Variants in ADAMTSL1 observed in about 807,000 individuals in gnomAD.
ADAMTSL1 encodes ADAMTS like 1, also known as ADAMTS-like protein 1.
In ADAMTSL1, 126 loss-of-function variants were observed where a neutral mutation model predicts 201.8. The ratio of observed to expected loss-of-function variants is 0.62; its 90% confidence interval spans 0.54 to 0.72. The LOEUF (loss-of-function observed/expected upper bound fraction) is 0.72. Ranked by LOEUF, ADAMTSL1 falls within the 30% of genes least tolerant of loss-of-function variation. The probability of loss-of-function intolerance (pLI) is 0.00; values close to 1 mark genes in which losing one functional copy is unlikely to be tolerated. For synonymous variants in ADAMTSL1, 1,121 were observed against 903.4 expected (o/e 1.24, Z -4.32); for missense variants, 2,679 against 2,277.8 (o/e 1.18, Z -3.59).
At chr9:18,819,733 A>G (rs1824092237) in intron 21 of ADAMTSL1, among the ~76,000 whole-genome samples, 1 of 152,210 alleles carries the variant, frequency 6.6e-6, no homozygotes, top group Non-Finnish European at 1.5e-5. Flanking sequence ...CCATAAAACC[A>G]TCTGTATTAA....
chr9:18,155,348 C>G (rs1034314819), intron 1 of ADAMTSL1, among the ~76,000 whole-genome samples: 3 of 151,906 alleles, frequency 2.0e-5, no homozygotes, highest in African/African-American at 7.2e-5. Flanking sequence ...AAGAGGAATG[C>G]TAGAATGGTA....
intron 2 of ADAMTSL1, among the ~76,000 whole-genome samples, chr9:18,370,570 T>C (rs1586994186): frequency 6.6e-6 from 1 of 152,236 alleles, no homozygotes; most frequent in Admixed American, 6.5e-5. Context: ...ATTGATAGCG[T>C]TGGTAACAGA....
intron 23 of ADAMTSL1, among the ~76,000 whole-genome samples, chr9:18,838,574 C>G (rs1825487085): frequency 6.6e-6 from 1 of 152,068 alleles, no homozygotes; most frequent in Admixed American, 6.6e-5. Context: ...CACCTGTAAT[C>G]CCAATGTTTT....
chr9:18,586,121 T>C (rs1313259522), intron 4 of ADAMTSL1, among the ~76,000 whole-genome samples: 1 of 152,056 alleles, frequency 6.6e-6, no homozygotes, highest in African/African-American at 2.4e-5. Flanking sequence ...ATAAAAAGCA[T>C]CCAAATAGGA....
At chr9:18,843,725 T>A (rs1275024977) in intron 23 of ADAMTSL1, among the ~76,000 whole-genome samples, 3 of 150,922 alleles carry the variant, frequency 2.0e-5, no homozygotes, top group African/African-American at 7.5e-5. Context: ...TTGGAGGCTT[T>A]GTTCATTTCT....
At chr9:17,979,790 A>G (rs1166717722) in intron 1 of ADAMTSL1, among the ~76,000 whole-genome samples, 1 of 152,092 alleles carries the variant, frequency 6.6e-6, no homozygotes, top group Non-Finnish European at 1.5e-5. Flanking sequence ...GAAACCCTTC[A>G]TTGGTTAGCC....
intron 4 of ADAMTSL1, among the ~76,000 whole-genome samples, chr9:18,598,986 C>T (rs1053544569): frequency 2.6e-5 from 4 of 152,152 alleles, no homozygotes; most frequent in Admixed American, 6.5e-5. Flanking sequence ...ATACTGTCCT[C>T]TCTGCCCCAC....
rs866315433 is a variant in ADAMTSL1 at position 18,910,892 on chromosome 9, C to G, written c.*2344C>G. ...AATGTGGAAGGAGGCACTTTCTCCT[C>G]TAAAACACAAAACTGTATTTGTATT... On this transcript the variant is annotated 3_prime_UTR_variant, in exon 29 of 29. Coordinates refer to ENST00000380548, the MANE Select transcript of ADAMTSL1 (RefSeq NM_001040272.6). 1 of 152,208 alleles carries G rather than the reference C, an allele frequency of 6.6e-6. No homozygotes were observed. 9.4% of individuals were successfully genotyped at this position (152,208 alleles called of 1,614,324 possible).
chr9:18,224,157 T>C (rs1407965532), intron 2 of ADAMTSL1, among the ~76,000 whole-genome samples: 1 of 152,174 alleles, frequency 6.6e-6, no homozygotes, highest in African/African-American at 2.4e-5. Context: ...GGTCCCTTTG[T>C]GCTGCTTTAA....
At chr9:18,449,051 A>G (rs1164238326) in intron 2 of ADAMTSL1, among the ~76,000 whole-genome samples, 1 of 151,726 alleles carries the variant, frequency 6.6e-6, no homozygotes, top group Admixed American at 6.6e-5. Flanking sequence ...TTCTTGCCAG[A>G]GTGAGACACA....
At chr9:18,729,976 C>G (rs1295242628) in intron 15 of ADAMTSL1, among the ~76,000 whole-genome samples, 7 of 152,170 alleles carry the variant, frequency 4.6e-5, no homozygotes, top group Admixed American at 1.3e-4. Flanking sequence ...TAGTTCAAAA[C>G]CTTCCAGCTT....
At chr9:18,904,686 G>T (rs1345137828) in intron 26 of ADAMTSL1, among the ~76,000 whole-genome samples, 2 of 99,288 alleles carry the variant, frequency 2.0e-5, no homozygotes, top group Non-Finnish European at 4.0e-5. Context: ...CCGTTTATGT[G>T]TATTTTACGA....
intron 13 of ADAMTSL1, among the ~76,000 whole-genome samples, chr9:18,705,228 T>C (rs1832163025): frequency 6.6e-6 from 1 of 152,188 alleles, no homozygotes. Flanking sequence ...TCTGCCAAAG[T>C]CAAGGTTAAG....
At chr9:18,450,499 G>T (rs1310602136) in intron 2 of ADAMTSL1, among the ~76,000 whole-genome samples, 1 of 152,068 alleles carries the variant, frequency 6.6e-6, no homozygotes, top group Non-Finnish European at 1.5e-5. Flanking sequence ...AGTTGAAATG[G>T]ATGTGTTAAT....
intron 1 of ADAMTSL1, among the ~76,000 whole-genome samples, chr9:18,076,388 T>C (rs1295656584): frequency 6.6e-6 from 1 of 152,180 alleles, no homozygotes; most frequent in Non-Finnish European, 1.5e-5. Flanking sequence ...AGTTCTTCCA[T>C]TTAAGACACT....
rs762107707 is a variant in ADAMTSL1, at chr9:18,574,026, C to G, written c.238-4C>G. ...TGTATGTCCTTTCTCTCTTTTTTCT[C>G]CAGGACTGCCCACCAGAAGCAGGTG... On this transcript the variant is annotated splice_polypyrimidine_tract_variant and splice_region_variant and intron_variant, in intron 3 of 28. Transcript: ENST00000380548. 6.2e-7 allele frequency: 1 copy of G among 1,610,570 alleles called. No individual in the cohort carries two copies. Among genetic ancestry groups the G allele is most frequent in the South Asian group, 1.1e-5 (1 of 90,938 alleles).
chr9:18,525,971 A>G (rs1474633832), intron 2 of ADAMTSL1, among the ~76,000 whole-genome samples: 1 of 152,244 alleles, frequency 6.6e-6, no homozygotes, highest in Non-Finnish European at 1.5e-5. Context: ...CACTTGGTAC[A>G]GAGCTGAGTT....
intron 23 of ADAMTSL1, among the ~76,000 whole-genome samples, chr9:18,856,685 T>C (rs1021474154): frequency 6.6e-6 from 1 of 152,128 alleles, no homozygotes; most frequent in Non-Finnish European, 1.5e-5. Context: ...CTTGAACTAC[T>C]GGCCTCAAGC....
chr9:17,906,868 G>A (rs1174574985), exon 1 of ADAMTSL1: 2 of 152,174 alleles, frequency 1.3e-5, no homozygotes, highest in Non-Finnish European at 2.9e-5. Flanking sequence ...AGTGCCCCGG[G>A]TTCCTGGCCC....
Sources: allele counts gnomAD v4.1 joint callset (sites outside exome capture counted in the v4.1 genomes callset), GRCh38; gene constraint gnomAD v4.1.1; transcripts MANE v1.5; gene names NCBI Gene and HGNC (gene_info 2026-07-23, HGNC 2026-07-21).